MYT1L: variants seen among roughly 807,000 people sequenced by gnomAD.
The protein encoded by MYT1L is myelin transcription factor 1 like.
In MYT1L, 12 loss-of-function variants were observed where a neutral mutation model predicts 126.7. That is an observed-to-expected ratio of 0.09 (90% CI 0.06 to 0.15). The LOEUF (loss-of-function observed/expected upper bound fraction) is 0.15, where lower values mean the gene tolerates loss of function less well. Among genes scored for constraint, MYT1L ranks in the 10% least tolerant of loss-of-function variants. The probability of loss-of-function intolerance (pLI) is 1.00; values close to 1 mark genes in which losing one functional copy is unlikely to be tolerated. For synonymous variants in MYT1L, 541 were observed against 604.2 expected (o/e 0.90, Z 1.53); for missense variants, 979 against 1,585.2 (o/e 0.62, Z 6.49).
intron 23 of MYT1L, among the ~76,000 whole-genome samples, chr2:1,795,014 C>G (rs2033145706): frequency 6.6e-6 from 1 of 152,200 alleles, no homozygotes; most frequent in Admixed American, 6.5e-5. Flanking sequence ...TCACCTCCCT[C>G]AAGTGCATCC....
intron 14 of MYT1L, among the ~76,000 whole-genome samples, chr2:1,900,674 C>T (rs1050577014): frequency 6.6e-6 from 1 of 152,192 alleles, no homozygotes; most frequent in African/African-American, 2.4e-5. Context: ...GACTTCACGC[C>T]CACACAATAC....
At chr2:2,176,500 C>CTT (rs569937187) in intron 2 of MYT1L, among the ~76,000 whole-genome samples, 8 of 141,748 alleles carry the variant, frequency 5.6e-5, no homozygotes, top group South Asian at 2.3e-4. Context: ...TAGGACATAA[C>CTT]TTTTTTTTTT....
chr2:2,329,319 G>T (rs1319680373), intron 1 of MYT1L, among the ~76,000 whole-genome samples: 1 of 151,556 alleles, frequency 6.6e-6, no homozygotes, highest in African/African-American at 2.4e-5. Context: ...GGGGTGGGGA[G>T]GAGAGAAAAA....
chr2:2,125,732 T>C (rs2081601862), intron 3 of MYT1L, among the ~76,000 whole-genome samples: 1 of 152,202 alleles, frequency 6.6e-6, no homozygotes, highest in South Asian at 2.1e-4. Flanking sequence ...CCCTTTTGTG[T>C]TGCAGAAGAC....
chr2:1,864,571 T>C (rs1341209663), intron 18 of MYT1L, among the ~76,000 whole-genome samples: 1 of 152,090 alleles, frequency 6.6e-6, no homozygotes, highest in Non-Finnish European at 1.5e-5. Context: ...GTCCCCAGGC[T>C]GAGCTCCCGC....
chr2:1,975,098 C>T (rs2060066835), intron 8 of MYT1L, among the ~76,000 whole-genome samples: 1 of 152,092 alleles, frequency 6.6e-6, no homozygotes. Flanking sequence ...TTTTCTTTCC[C>T]AGGTATTAAG....
At chr2:1,843,909 G>T (rs2042165627) in intron 19 of MYT1L, among the ~76,000 whole-genome samples, 1 of 152,228 alleles carries the variant, frequency 6.6e-6, no homozygotes, top group South Asian at 2.1e-4. Context: ...CTCCGACAAT[G>T]CGGTGGCCTC....
chr2:1,892,543 C>T (rs1311352652), intron 14 of MYT1L, among the ~76,000 whole-genome samples: 2 of 131,668 alleles, frequency 1.5e-5, no homozygotes, highest in Non-Finnish European at 1.6e-5. Flanking sequence ...GATAATTCAT[C>T]GACCTGTTGG....
chr2:1,925,343 A>C (rs2054086024), intron 9 of MYT1L, among the ~76,000 whole-genome samples: 2 of 152,182 alleles, frequency 1.3e-5, no homozygotes, highest in South Asian at 4.1e-4. Flanking sequence ...CTGCAGGGGG[A>C]ACAGGTCCTG....
At chr2:2,202,595 A>G (rs940563785) in intron 2 of MYT1L, among the ~76,000 whole-genome samples, 4 of 152,234 alleles carry the variant, frequency 2.6e-5, no homozygotes, top group Non-Finnish European at 5.9e-5. Context: ...CTCTGAATAG[A>G]CCAATAACAG....
chr2:2,041,770 T>G (rs1338824949), intron 4 of MYT1L, among the ~76,000 whole-genome samples: 1 of 152,172 alleles, frequency 6.6e-6, no homozygotes, highest in Non-Finnish European at 1.5e-5. Flanking sequence ...GGTTTTAAAG[T>G]CAGACATCTG....
intron 2 of MYT1L, among the ~76,000 whole-genome samples, chr2:2,181,071 T>G (rs1175125299): frequency 6.6e-6 from 1 of 151,922 alleles, no homozygotes; most frequent in Non-Finnish European, 1.5e-5. Flanking sequence ...TACCTGTGTG[T>G]GTGCTTGTGT....
At chr2:2,029,132 G>C (rs2065947014) in intron 4 of MYT1L, among the ~76,000 whole-genome samples, 1 of 152,202 alleles carries the variant, frequency 6.6e-6, no homozygotes, top group South Asian at 2.1e-4. Flanking sequence ...GTATCAAAAA[G>C]AGAAAGGTAA....
At chr2:2,197,906 A>G (rs2092893213) in intron 2 of MYT1L, among the ~76,000 whole-genome samples, 1 of 151,912 alleles carries the variant, frequency 6.6e-6, no homozygotes, top group African/African-American at 2.4e-5. Flanking sequence ...ATGTGTACAG[A>G]TGTATATAAC....
rs1003668641 is a variant in MYT1L at position 2,319,674 on chromosome 2, A to G, written c.-521+11293T>C. 5.9e-4 allele frequency among the ~76,000 whole-genome samples: 90 copies of G among 152,134 alleles called. 1 individual carries two copies. The highest frequency in any genetic ancestry group is 2.1e-3 in the African/African-American group (88 of 41,424). On this transcript the variant is annotated intron_variant, in intron 1 of 24. Coordinates refer to ENST00000647738, the MANE Select transcript of MYT1L (RefSeq NM_001303052.2). ...TTCACTCAACTCTTCTTCTTAAGTC[A>G]TAAGAATGCTTTAATCTATTTCAAA...
At chr2:2,030,070 G>A (rs2066061680) in intron 4 of MYT1L, among the ~76,000 whole-genome samples, 1 of 152,168 alleles carries the variant, frequency 6.6e-6, no homozygotes, top group South Asian at 2.1e-4. Context: ...CTGGTGATGG[G>A]CATGAGGAAT....
intron 23 of MYT1L, 103 bp from the exon 24 acceptor site, chr2:1,792,567 C>T (rs1444035934): frequency 2.6e-5 from 33 of 1,278,112 alleles, no homozygotes; most frequent in Non-Finnish European, 3.0e-5. Flanking sequence ...AGGGGCCTCT[C>T]GCTGAAGGAG....
intron 21 of MYT1L, among the ~76,000 whole-genome samples, chr2:1,815,114 G>A (rs1253673748): frequency 1.3e-5 from 2 of 152,196 alleles, no homozygotes; most frequent in Non-Finnish European, 2.9e-5. Context: ...AAAGGCAGAT[G>A]TCAGGATAGC....
chr2:2,045,468 C>A (rs1305646293), intron 4 of MYT1L, among the ~76,000 whole-genome samples: 1 of 152,200 alleles, frequency 6.6e-6, no homozygotes, highest in East Asian at 1.9e-4. Context: ...ATTCATAGAG[C>A]ATCATCAAAA....
Sources: allele counts gnomAD v4.1 joint callset (sites outside exome capture counted in the v4.1 genomes callset), GRCh38; gene constraint gnomAD v4.1.1; transcripts MANE v1.5; gene names NCBI Gene and HGNC (gene_info 2026-07-23, HGNC 2026-07-21).